LRRC53: variants seen among roughly 807,000 people sequenced by gnomAD.
LRRC53 encodes leucine-rich repeat-containing protein 53.
Under a neutral mutation model 13.6 loss-of-function variants are expected in LRRC53, and 25 were observed. The ratio of observed to expected loss-of-function variants is 1.83; its 90% confidence interval spans 1.34 to 2.56. The LOEUF is 2.56. Ranked by LOEUF, LRRC53 falls within the 30% of genes most tolerant of loss-of-function variation. The probability of loss-of-function intolerance (pLI) is 0.00; values close to 1 mark genes in which losing one functional copy is unlikely to be tolerated. For missense variants in LRRC53, 527 were observed against 275.8 expected (o/e 1.91, Z -6.45); for synonymous variants, 204 against 109.8 (o/e 1.86, Z -5.37).
intron 1 of LRRC53, among the ~76,000 whole-genome samples, chr1:74,488,678 G>C (rs1668889289): frequency 6.6e-6 from 1 of 152,140 alleles, no homozygotes; most frequent in Non-Finnish European, 1.5e-5. Context: ...TAATGGCACT[G>C]TCTGAAGGTA....
chr1:74,490,067 A>C (rs1363050672), intron 1 of LRRC53, among the ~76,000 whole-genome samples: 2 of 151,088 alleles, frequency 1.3e-5, no homozygotes, highest in African/African-American at 2.4e-5. Flanking sequence ...AAAAAAAAAA[A>C]AAAAAAAAAC....
intron 1 of LRRC53, among the ~76,000 whole-genome samples, chr1:74,496,464 T>C (rs919355492): frequency 5.3e-5 from 8 of 152,192 alleles, no homozygotes; most frequent in African/African-American, 1.9e-4. Context: ...TCCCTACTAA[T>C]GTATGGATGT....
intron 1 of LRRC53, among the ~76,000 whole-genome samples, chr1:74,500,273 ATTGT>A (rs1437429114): frequency 6.6e-6 from 1 of 151,892 alleles, no homozygotes; most frequent in African/African-American, 2.4e-5. Context: ...TTAATGTTTC[ATTGT>A]TTGTTATGGT....
At chr1:74,533,256 T>C in the LRRC53 span, among the ~76,000 whole-genome samples, 1 of 152,074 alleles carries the variant, frequency 6.6e-6, no homozygotes, top group Non-Finnish European at 1.5e-5. Context: ...GCAAAGGACA[T>C]GAACAGACAC....
chr1:74,473,202 G>A (rs9326112), intron 4 of LRRC53, among the ~76,000 whole-genome samples: 67,419 of 151,982 alleles, frequency 0.44, 18,031 homozygotes, highest in East Asian at 0.68. Context: ...CACAAGAGAC[G>A]TGATCCATTG....
the LRRC53 span, among the ~76,000 whole-genome samples, chr1:74,536,527 T>C: frequency 6.6e-6 from 1 of 152,176 alleles, no homozygotes; most frequent in Non-Finnish European, 1.5e-5. Flanking sequence ...ATGATCATTT[T>C]TATATTTATG....
chr1:74,517,251 G>T (rs1028528988), upstream of LRRC53, among the ~76,000 whole-genome samples: 1 of 152,110 alleles, frequency 6.6e-6, no homozygotes, highest in Non-Finnish European at 1.5e-5. Flanking sequence ...AAGACAACTG[G>T]TTTATTATAT....
chr1:74,503,937 T>C (rs771707723), intron 1 of LRRC53, among the ~76,000 whole-genome samples: 12 of 152,172 alleles, frequency 7.9e-5, no homozygotes, highest in Non-Finnish European at 1.5e-4. Flanking sequence ...CCATCTTATA[T>C]AGATGGGAAA....
chr1:74,512,834 C>A (rs888789726), upstream of LRRC53, among the ~76,000 whole-genome samples: 5 of 152,214 alleles, frequency 3.3e-5, no homozygotes, highest in South Asian at 1.0e-3. Flanking sequence ...AAATGGGCAC[C>A]CCCTGCAGCA....
intron 1 of LRRC53, among the ~76,000 whole-genome samples, chr1:74,508,497 G>A (rs1219199961): frequency 6.6e-6 from 1 of 152,174 alleles, no homozygotes; most frequent in Non-Finnish European, 1.5e-5. Flanking sequence ...GGCCAGAGTA[G>A]TTCTAGAACT....
intron 2 of LRRC53, among the ~76,000 whole-genome samples, chr1:74,482,968 C>T (rs1668578700): frequency 1.3e-5 from 2 of 152,082 alleles, no homozygotes; most frequent in South Asian, 4.2e-4. Context: ...AAAGTATGTA[C>T]AAAGATATTA....
chr1:74,515,991 G>C (rs911523102), upstream of LRRC53, among the ~76,000 whole-genome samples: 4 of 152,196 alleles, frequency 2.6e-5, no homozygotes, highest in African/African-American at 9.7e-5. Flanking sequence ...AATGTAAATG[G>C]AGAGAGTAGT....
chr1:74,516,205 A>G (rs919977034), upstream of LRRC53, among the ~76,000 whole-genome samples: 1 of 152,180 alleles, frequency 6.6e-6, no homozygotes, highest in African/African-American at 2.4e-5. Flanking sequence ...GAAATTTCCC[A>G]TTAGCCAGGA....
chr1:74,484,932 G>T (rs1320712107), intron 1 of LRRC53, among the ~76,000 whole-genome samples: 1 of 152,170 alleles, frequency 6.6e-6, no homozygotes, highest in Admixed American at 6.5e-5. Flanking sequence ...GGCAATTGTA[G>T]TAATACAAGG....
chr1:74,524,433 A>G, the LRRC53 span, among the ~76,000 whole-genome samples: 2 of 152,208 alleles, frequency 1.3e-5, no homozygotes, highest in Non-Finnish European at 2.9e-5. Flanking sequence ...GGCCACAGCT[A>G]GAGTATGTAG....
At position 74,480,196 on chromosome 1, in the gene LRRC53, G is replaced by C; in HGVS notation, c.861C>G (p.Leu287=). 1.4e-6 allele frequency: 1 copy of C among 717,470 alleles called. No homozygotes were observed. The allele number at this position is 717,470 out of a possible 1,614,324, so 44.4% of individuals were successfully genotyped here. ...TLVLKDRSPL[L]PGPDVALLTV... is the part of the protein sequence containing the mutation. ...TCAGCAGGGCCACATCTGGTCCTGG[G>C]AGGAGGGGACTTCTGTCCTTTAGAA... Residue 287 remains leucine (L), a synonymous_variant, in exon 3 of 5, where the codon CTC becomes CTG. Transcript: ENST00000294635.
upstream of LRRC53, among the ~76,000 whole-genome samples, chr1:74,513,154 G>A (rs1439376948): frequency 6.6e-6 from 1 of 152,206 alleles, no homozygotes; most frequent in Non-Finnish European, 1.5e-5. Context: ...TTACAGCAGA[G>A]GTAGGTGCCT....
the LRRC53 span, among the ~76,000 whole-genome samples, chr1:74,525,457 C>T: frequency 6.6e-6 from 1 of 152,064 alleles, no homozygotes; most frequent in Non-Finnish European, 1.5e-5. Context: ...CTGATTCACA[C>T]CCTGAGTCCC....
At chr1:74,501,773 C>A (rs1382274895) in intron 1 of LRRC53, among the ~76,000 whole-genome samples, 1 of 152,038 alleles carries the variant, frequency 6.6e-6, no homozygotes, top group Non-Finnish European at 1.5e-5. Flanking sequence ...AAGCATGAGC[C>A]ACCGCATCCG....
Sources: gnomAD v4.1 joint callset for allele counts (sites outside exome capture counted in the v4.1 genomes callset) on GRCh38, gnomAD v4.1.1 for gene constraint, MANE v1.5 for transcripts, NCBI Gene and HGNC (gene_info 2026-07-23, HGNC 2026-07-21) for gene names.